SPIDR: variants seen among roughly 807,000 people sequenced by gnomAD.
SPIDR encodes scaffold protein involved in DNA repair.
In SPIDR, 93 loss-of-function variants were observed where a neutral mutation model predicts 104.6. The observed-to-expected ratio is 0.89, with a 90% confidence interval of 0.75 to 1.06. SPIDR has a LOEUF of 1.06. SPIDR is among the 50% of genes least tolerant of loss of function. The pLI, the probability that SPIDR is intolerant of heterozygous loss-of-function variation, is 0.00. For synonymous variants in SPIDR, 431 were observed against 416.9 expected, an observed-to-expected ratio of 1.03 and a Z score of -0.41; for missense variants, 1,154 against 1,111.2, an observed-to-expected ratio of 1.04 and a Z score of -0.55.
In SPIDR at chr8:47,673,622, A is replaced by G; in HGVS notation, c.1545-179A>G. 6.5e-6 allele frequency: 5 copies of G among 770,196 alleles called. No homozygotes were observed. In the South Asian group the frequency reaches 8.1e-5, roughly 12 times the overall value. 47.7% of individuals were successfully genotyped at this position (770,196 alleles called of 1,614,324 possible). A position where few individuals can be genotyped will look rare whatever the true frequency, so the allele number is the denominator to read the frequency against. ...TTTAATCCTGACTCACCCATTTAGG[A>G]AGATGACTACAGTGGATTTCTTTTT... On this transcript the variant is annotated intron_variant, in intron 10 of 19. Coordinates refer to ENST00000297423, the MANE Select transcript of SPIDR (RefSeq NM_001080394.4).
chr8:47,611,391 G>C (rs914258667), intron 10 of SPIDR, among the ~76,000 whole-genome samples: 1 of 152,122 alleles, frequency 6.6e-6, no homozygotes, highest in African/African-American at 2.4e-5. Context: ...CAGCTCTTGG[G>C]TGAAGATGTT....
At position 47,712,740 on chromosome 8, in the gene SPIDR, A is replaced by G. The variant is rs1796136243; in HGVS notation, c.2056A>G (p.Arg686Gly). The G allele has an allele frequency of 1.2e-6, 2 of 1,614,130 alleles. No homozygotes were observed. Among genetic ancestry groups the G allele is most frequent in the Admixed American group, 3.3e-5 (2 of 60,018 alleles). The change falls in exon 15 of 20, where the codon AGA becomes GGA. Residue 686 changes from arginine (R) to glycine (G), a missense_variant. Physicochemically the swap from Arg to Gly is moderately radical, Grantham distance 125. Coordinates refer to ENST00000297423, the MANE Select transcript of SPIDR (RefSeq NM_001080394.4). The stretch of plus-strand genomic sequence containing the variant: ...TGTCACTCTGCAAACGAAGGAGGAG[A>G]GAGACCCCAGGCTCCCCAAAACCCT... The part of the protein sequence containing the change: ...TDVTLQTKEE[R>G]DPRLPKTLLV...
chr8:47,382,216 C>T (rs1451337717), intron 5 of SPIDR, among the ~76,000 whole-genome samples: 6 of 152,018 alleles, frequency 3.9e-5, no homozygotes, highest in Non-Finnish European at 8.8e-5. Flanking sequence ...CATACATGGA[C>T]TTAGATTAAG....
At chr8:47,540,555 T>C (rs1160865127) in intron 8 of SPIDR, among the ~76,000 whole-genome samples, 1 of 152,214 alleles carries the variant, frequency 6.6e-6, no homozygotes, top group East Asian at 1.9e-4. Flanking sequence ...AGGCTGGGCA[T>C]TGTCTCCTCT....
intron 5 of SPIDR, among the ~76,000 whole-genome samples, chr8:47,342,616 T>TA (rs1230349130): frequency 6.6e-6 from 1 of 152,132 alleles, no homozygotes; most frequent in African/African-American, 2.4e-5. Flanking sequence ...GGATTACAGG[T>TA]ATGATCAAGT....
intron 10 of SPIDR, among the ~76,000 whole-genome samples, chr8:47,670,400 A>C (rs1414395079): frequency 6.6e-6 from 1 of 152,204 alleles, no homozygotes; most frequent in East Asian, 1.9e-4. Context: ...CTTGGAGAGA[A>C]GAGAGGGAAA....
intron 8 of SPIDR, among the ~76,000 whole-genome samples, chr8:47,523,468 G>A (rs916162725): frequency 6.6e-6 from 1 of 152,192 alleles, no homozygotes; most frequent in Non-Finnish European, 1.5e-5. Context: ...TGAGGGAAAA[G>A]GCCAGCTGAA....
intron 10 of SPIDR, among the ~76,000 whole-genome samples, chr8:47,599,998 TC>T (rs2062063316): frequency 6.6e-6 from 1 of 152,084 alleles, no homozygotes; most frequent in East Asian, 1.9e-4. Flanking sequence ...CCTCAAGTGA[TC>T]CACCCGCCTC....
chr8:47,695,370 A>C (rs904060624), intron 11 of SPIDR, among the ~76,000 whole-genome samples: 1 of 151,968 alleles, frequency 6.6e-6, no homozygotes, highest in Non-Finnish European at 1.5e-5. Context: ...CCCAGAATAC[A>C]TGCTTGGTTA....
At chr8:47,634,022 G>A (rs1361115139) in intron 10 of SPIDR, among the ~76,000 whole-genome samples, 1 of 151,810 alleles carries the variant, frequency 6.6e-6, no homozygotes, top group African/African-American at 2.4e-5. Flanking sequence ...TTGAGCCTAG[G>A]AGATTGAGGC....
At chr8:47,443,403 C>G (rs13274980) in intron 8 of SPIDR, among the ~76,000 whole-genome samples, 1 of 151,942 alleles carries the variant, frequency 6.6e-6, no homozygotes, top group Non-Finnish European at 1.5e-5. Flanking sequence ...AACCCCATCT[C>G]TACTAAAAAT....
At chr8:47,483,172 T>C (rs1441629134) in intron 8 of SPIDR, among the ~76,000 whole-genome samples, 1 of 150,824 alleles carries the variant, frequency 6.6e-6, no homozygotes, top group Non-Finnish European at 1.5e-5. Context: ...GTTTTGTTTG[T>C]GTGTGTGTCT....
At chr8:47,345,592 T>C (rs1159827785) in intron 5 of SPIDR, among the ~76,000 whole-genome samples, 1 of 152,248 alleles carries the variant, frequency 6.6e-6, no homozygotes. Flanking sequence ...TTCCTATCCA[T>C]GAGCATGGAA....
chr8:47,641,434 A>G (rs185419695), intron 10 of SPIDR, among the ~76,000 whole-genome samples: 89 of 152,330 alleles, frequency 5.8e-4, no homozygotes, highest in African/African-American at 2.0e-3. Flanking sequence ...TTATAGATTC[A>G]TTCCTGCTTT....
At chr8:47,630,344 G>A (rs1428384054) in intron 10 of SPIDR, among the ~76,000 whole-genome samples, 10 of 152,156 alleles carry the variant, frequency 6.6e-5, no homozygotes, top group Non-Finnish European at 1.5e-4. Flanking sequence ...GAGTGGAAAA[G>A]CATCCAGGAT....
intron 10 of SPIDR, among the ~76,000 whole-genome samples, chr8:47,628,521 G>A (rs1387461694): frequency 1.3e-5 from 2 of 152,046 alleles, no homozygotes; most frequent in Non-Finnish European, 2.9e-5. Context: ...ATGAGTCAGT[G>A]TACACAACTT....
intron 11 of SPIDR, among the ~76,000 whole-genome samples, chr8:47,689,178 G>A (rs1427488118): frequency 1.3e-5 from 2 of 152,170 alleles, no homozygotes; most frequent in African/African-American, 2.4e-5. Context: ...GGACTGCCTG[G>A]CCAGAGTATG....
At chr8:47,708,914 C>T (rs1046641468) in intron 14 of SPIDR, among the ~76,000 whole-genome samples, 3 of 151,860 alleles carry the variant, frequency 2.0e-5, no homozygotes, top group Non-Finnish European at 4.4e-5. Flanking sequence ...TTTAGTTATT[C>T]ATTCACATAC....
chr8:47,727,415 G>A (rs2084420413), intron 17 of SPIDR, 122 bp downstream of exon 17: 2 of 821,464 alleles, frequency 2.4e-6, no homozygotes, highest in African/African-American at 3.4e-5. Flanking sequence ...GGCAACCTCT[G>A]CCTCTGCTGA....
Sources: allele counts gnomAD v4.1 joint callset (sites outside exome capture counted in the v4.1 genomes callset), GRCh38; gene constraint gnomAD v4.1.1; transcripts MANE v1.5; gene names NCBI Gene and HGNC (gene_info 2026-07-23, HGNC 2026-07-21).